USP33: variants seen among roughly 807,000 people sequenced by gnomAD.
USP33 encodes ubiquitin specific peptidase 33.
Under a neutral mutation model 124.2 loss-of-function variants are expected in USP33, and 46 were observed. The ratio of observed to expected loss-of-function variants is 0.37; its 90% confidence interval spans 0.29 to 0.47. The LOEUF is 0.47. Among genes scored for constraint, USP33 ranks in the 20% least tolerant of loss-of-function variants. The pLI, the probability that USP33 is intolerant of heterozygous loss-of-function variation, is 0.99. For synonymous variants in USP33, 350 were observed against 352.3 expected, an observed-to-expected ratio of 0.99 and a Z score of 0.07; for missense variants, 851 against 1,070.6, an observed-to-expected ratio of 0.79 and a Z score of 2.86.
chr1:77,751,039 G>T (rs532900444), intron 1 of USP33, among the ~76,000 whole-genome samples: 8 of 152,258 alleles, frequency 5.3e-5, no homozygotes, highest in African/African-American at 1.9e-4. Flanking sequence ...AACAGAAAAT[G>T]GTTGTATATG....
chr1:77,730,566 T>A lies in USP33; in HGVS notation c.638+52A>T. ...TGGACCTGCAACCTTTAAATATTTA[T>A]AATATTCATTTAAAAGTTTAATAAA... On this transcript the variant is annotated intron_variant, in intron 8 of 23. Coordinates refer to ENST00000370794, the MANE Select transcript of USP33 (RefSeq NM_201624.3). 1.2e-5 allele frequency: 16 copies of A among 1,301,688 alleles called. No homozygotes were observed. The South Asian group carries it at 2.9e-4, about 24-fold the overall frequency. The allele number at this position is 1,301,688 out of a possible 1,614,324, so 80.6% of individuals were successfully genotyped here. A position where few individuals can be genotyped will look rare whatever the true frequency, so the allele number is the denominator to read the frequency against.
intron 8 of USP33, among the ~76,000 whole-genome samples, chr1:77,730,352 TA>T (rs1677667956): frequency 3.3e-5 from 5 of 152,202 alleles, no homozygotes; most frequent in Admixed American, 3.3e-4. Flanking sequence ...TGCAAAACTC[TA>T]AAGTTCCAGT....
intron 7 of USP33, among the ~76,000 whole-genome samples, chr1:77,731,996 T>C (rs1322563372): frequency 6.6e-6 from 1 of 151,628 alleles, no homozygotes; most frequent in Non-Finnish European, 1.5e-5. Flanking sequence ...CGTAGCTACT[T>C]GGCAGGCTGA....
intron 21 of USP33, among the ~76,000 whole-genome samples, chr1:77,709,926 C>T (rs559049902): frequency 6.6e-6 from 1 of 151,170 alleles, no homozygotes; most frequent in African/African-American, 2.4e-5. Flanking sequence ...CATATTTACT[C>T]AGCTATTATC....
chr1:77,752,789 T>C (rs992609113), intron 1 of USP33, among the ~76,000 whole-genome samples: 1 of 152,086 alleles, frequency 6.6e-6, no homozygotes, highest in African/African-American at 2.4e-5. Flanking sequence ...TAAAATAAGC[T>C]AAAATTGGCT....
chr1:77,712,813 G>A (rs976327431), intron 20 of USP33, among the ~76,000 whole-genome samples: 2 of 151,974 alleles, frequency 1.3e-5, no homozygotes, highest in African/African-American at 4.8e-5. Context: ...AGCCAAGATC[G>A]TGCCACTGCA....
intron 1 of USP33, among the ~76,000 whole-genome samples, chr1:77,751,515 G>A (rs1349450316): frequency 6.6e-6 from 1 of 152,028 alleles, no homozygotes; most frequent in Non-Finnish European, 1.5e-5. Flanking sequence ...AAATTACCCA[G>A]GCCTGGTGGC....
chr1:77,704,356 T>C (rs1674380394), intron 21 of USP33, among the ~76,000 whole-genome samples: 2 of 152,232 alleles, frequency 1.3e-5, no homozygotes, highest in South Asian at 4.1e-4. Flanking sequence ...AAATGTCATA[T>C]CAGACTGAAT....
chr1:77,759,245 G>T (rs1681093009), intron 1 of USP33: 1 of 206,586 alleles, frequency 4.8e-6, no homozygotes, highest in Non-Finnish European at 9.6e-6. Context: ...CAGAACCCAG[G>T]AGCCGGCGCG....
chr1:77,739,235 C>T (rs769095508), intron 5 of USP33, 30 bp downstream of exon 5: 2 of 1,580,966 alleles, frequency 1.3e-6, no homozygotes, highest in Non-Finnish European at 1.7e-6. Context: ...GAATGTTTTA[C>T]AGCTTAACTA....
At chr1:77,745,964 G>T (rs1679704005) in intron 1 of USP33, among the ~76,000 whole-genome samples, 1 of 151,918 alleles carries the variant, frequency 6.6e-6, no homozygotes, top group East Asian at 1.9e-4. Context: ...ACATCACAAT[G>T]AAAAGAACTA....
At chr1:77,733,431 T>C (rs1382592034) in intron 7 of USP33, among the ~76,000 whole-genome samples, 2 of 151,346 alleles carry the variant, frequency 1.3e-5, no homozygotes, top group Non-Finnish European at 2.9e-5. Flanking sequence ...TCTTCAAAGA[T>C]GTGTTCTCTG....
At position 77,704,104 on chromosome 1, in the gene USP33, C is replaced by T. The variant is rs1333151345; in HGVS notation, c.2407-2633G>A. ...TGCTCCAGCCCGGGCAAAAGAGCAACAACTTGTCTCAAAAAAAAAAAAAAA... is the reference window on the plus strand; with the variant it reads ...TGCTCCAGCCCGGGCAAAAGAGCAATAACTTGTCTCAAAAAAAAAAAAAAA... On this transcript the variant is annotated intron_variant, in intron 21 of 23. Coordinates refer to ENST00000370794, the MANE Select transcript of USP33 (RefSeq NM_201624.3). Among the ~76,000 whole-genome samples the T allele has an allele frequency of 4.1e-5, 6 of 145,770 alleles. No homozygotes were observed. In the Admixed American group the frequency reaches 4.1e-4, roughly 10 times the overall value.
At chr1:77,748,244 C>A (rs1030002935) in intron 1 of USP33, among the ~76,000 whole-genome samples, 5 of 152,158 alleles carry the variant, frequency 3.3e-5, no homozygotes, top group Non-Finnish European at 7.3e-5. Flanking sequence ...TTTACCAGAA[C>A]CTCTTAAGAC....
At position 77,741,609 on chromosome 1, in the gene USP33, T is replaced by C; in HGVS notation, c.81+8A>G. 2.5e-6 allele frequency: 4 copies of C among 1,578,952 alleles called. No homozygotes were observed. Among genetic ancestry groups the C allele is most frequent in the Non-Finnish European group, 3.4e-6 (4 of 1,167,986 alleles). On this transcript the variant is annotated splice_region_variant and intron_variant, in intron 2 of 23. Coordinates refer to ENST00000370794, the MANE Select transcript of USP33 (RefSeq NM_201624.3). ...AGTTTTTCAAGGAAGAAAAAACCTG[T>C]TTCTTACAAGGGATTTTTGTATCAA...
intron 21 of USP33, among the ~76,000 whole-genome samples, chr1:77,707,310 GCTTCT>G (rs1674741430): frequency 6.6e-6 from 1 of 152,138 alleles, no homozygotes; most frequent in East Asian, 1.9e-4. Context: ...TGCCTGTCAT[GCTTCT>G]AAAGCTTCTA....
Position 77,698,352 on chromosome 1 carries a change from C to T in USP33, c.2510-421G>A, listed in dbSNP as rs370382248. On this transcript the variant is annotated intron_variant, in intron 22 of 23. Coordinates refer to ENST00000370794, the MANE Select transcript of USP33 (RefSeq NM_201624.3). ...CCTCCCAAAGTGCTGGGATTACAGGCGTGAGCCACTACACCTGGCCTATGG... is the reference window on the plus strand; with the variant it reads ...CCTCCCAAAGTGCTGGGATTACAGGTGTGAGCCACTACACCTGGCCTATGG... Among the ~76,000 whole-genome samples, 234 of 151,668 alleles carry T rather than the reference C, an allele frequency of 1.5e-3. 2 individuals are homozygous for T. Among genetic ancestry groups the T allele is most frequent in the African/African-American group, 5.3e-3 (221 of 41,332 alleles).
At chr1:77,731,170 G>A (rs1306684202) in intron 7 of USP33, among the ~76,000 whole-genome samples, 2 of 152,074 alleles carry the variant, frequency 1.3e-5, no homozygotes, top group Admixed American at 6.6e-5. Flanking sequence ...TCCCCTGGGC[G>A]ATCTAAAATT....
intron 19 of USP33, chr1:77,713,503 G>C: frequency 2.3e-6 from 1 of 428,356 alleles, no homozygotes; most frequent in South Asian, 3.2e-5. Flanking sequence ...TCCCACCCCA[G>C]CGTCCTGAGT....
Sources: allele counts gnomAD v4.1 joint callset (sites outside exome capture counted in the v4.1 genomes callset), GRCh38; gene constraint gnomAD v4.1.1; transcripts MANE v1.5; gene names NCBI Gene and HGNC (gene_info 2026-07-23, HGNC 2026-07-21).